Variants in ODAD2 observed in about 807,000 individuals in gnomAD.
The protein encoded by ODAD2 is outer dynein arm docking complex subunit 2.
In ODAD2, 89 loss-of-function variants were observed where a neutral mutation model predicts 106.8. The observed-to-expected ratio is 0.83, with a 90% CI of 0.70 to 0.99. The LOEUF (loss-of-function observed/expected upper bound fraction) is 0.99. Among genes scored for constraint, ODAD2 ranks in the 50% least tolerant of loss-of-function variants. ODAD2 has a pLI of 0.00. For synonymous variants in ODAD2, 404 were observed against 436.2 expected (o/e 0.93, Z 0.92); for missense variants, 1,168 against 1,238.5 (o/e 0.94, Z 0.85).
intron 17 of ODAD2, 64 bp from the exon 18 acceptor site, chr10:27,862,686 G>A: frequency 7.8e-7 from 1 of 1,286,602 alleles, no homozygotes; most frequent in Admixed American, 2.4e-5. Context: ...TTTTTTAAGA[G>A]GCAGAAAGTA....
chr10:27,841,503 C>A (rs1005393030), intron 19 of ODAD2, among the ~76,000 whole-genome samples: 2 of 152,014 alleles, frequency 1.3e-5, no homozygotes, highest in African/African-American at 4.8e-5. Context: ...TCAAGCAATT[C>A]TCCTGCTTCG....
chr10:27,817,330 T>C (rs765478393), intron 19 of ODAD2, among the ~76,000 whole-genome samples: 3 of 152,184 alleles, frequency 2.0e-5, no homozygotes, highest in Non-Finnish European at 4.4e-5. Flanking sequence ...CTTTACTGTA[T>C]AGACAGTTAA....
chr10:27,944,440 G>GA lies in ODAD2; in HGVS notation c.1534-10dup, dbSNP rs549508936. ...ATTTTTAATGAACCAATCTGTGTGAGAAAAAAAAAGATGAGTGGCGAATAT... is the reference window on the plus strand; with the variant it reads ...ATTTTTAATGAACCAATCTGTGTGAGAAAAAAAAAAGATGAGTGGCGAATAT... On this transcript the variant is annotated splice_polypyrimidine_tract_variant and intron_variant, in intron 11 of 19. Coordinates refer to ENST00000305242, the MANE Select transcript of ODAD2 (RefSeq NM_018076.5). 1,793 of 1,569,852 alleles carry GA rather than the reference G, an allele frequency of 1.1e-3. No individual in the cohort carries two copies. Among genetic ancestry groups the GA allele is most frequent in the Non-Finnish European group, 1.4e-3 (1,599 of 1,150,272 alleles).
chr10:27,935,103 G>A lies in ODAD2; in HGVS notation c.2402C>T (p.Pro801Leu), dbSNP rs1383330547. ...VIVRKCGGIQPLVNLLVGINQ... is the reference protein window; with the variant it reads ...VIVRKCGGIQLLVNLLVGINQ... Reference sequence around the variant, plus strand: ...TATTCCAACAAGGAGGTTCACAAGTGGTTGAATGCCACCACATTTCCGGAC... The same window carrying A: ...TATTCCAACAAGGAGGTTCACAAGTAGTTGAATGCCACCACATTTCCGGAC... Residue 801 changes from proline to leucine, a missense_variant, in exon 16 of 20, where the codon CCA becomes CTA. This residue lies in a region of ODAD2 where 701 missense variants were observed against 712.3 expected (regional missense o/e 0.98). Coordinates refer to ENST00000305242, the MANE Select transcript of ODAD2 (RefSeq NM_018076.5). 1 of 1,613,848 alleles carries A rather than the reference G, an allele frequency of 6.2e-7. No homozygotes were observed. Among genetic ancestry groups the A allele is most frequent in the Non-Finnish European group, 8.5e-7 (1 of 1,179,912 alleles).
chr10:27,871,307 C>A (rs1840864560), intron 17 of ODAD2, among the ~76,000 whole-genome samples: 1 of 152,086 alleles, frequency 6.6e-6, no homozygotes, highest in Non-Finnish European at 1.5e-5. Flanking sequence ...CTGTAGGTTG[C>A]CTGTTCACTC....
chr10:27,994,628 C>T (rs560600813), intron 2 of ODAD2, among the ~76,000 whole-genome samples: 9 of 152,208 alleles, frequency 5.9e-5, no homozygotes, highest in African/African-American at 2.2e-4. Flanking sequence ...CATAAAGCAG[C>T]AATGGATGTT....
chr10:27,978,874 A>C (rs533036656), intron 7 of ODAD2, among the ~76,000 whole-genome samples: 3 of 152,132 alleles, frequency 2.0e-5, no homozygotes, highest in African/African-American at 7.2e-5. Flanking sequence ...CCCACAGCTA[A>C]CATCAGGCTC....
intron 17 of ODAD2, among the ~76,000 whole-genome samples, chr10:27,885,672 AAT>A (rs1161745851): frequency 0.043 from 1,279 of 30,028 alleles, 55 homozygotes; most frequent in East Asian, 0.17. Context: ...TTATATATAA[AAT>A]ATATATAATA....
intron 17 of ODAD2, among the ~76,000 whole-genome samples, chr10:27,865,855 G>A (rs1589858359): frequency 6.6e-6 from 1 of 152,232 alleles, no homozygotes; most frequent in East Asian, 1.9e-4. Context: ...CTTTCTCTCT[G>A]TAACACGTTG....
chr10:27,928,862 T>TA (rs1432858149), intron 16 of ODAD2, among the ~76,000 whole-genome samples: 1 of 152,136 alleles, frequency 6.6e-6, no homozygotes, highest in Non-Finnish European at 1.5e-5. Flanking sequence ...TAAATTCACT[T>TA]AATCATCTCA....
chr10:27,929,298 T>C (rs1845456318), intron 16 of ODAD2, among the ~76,000 whole-genome samples: 1 of 152,148 alleles, frequency 6.6e-6, no homozygotes, highest in Non-Finnish European at 1.5e-5. Context: ...AGACGATTGA[T>C]AGATAAAATA....
chr10:27,900,416 G>C (rs1843120093), intron 17 of ODAD2, among the ~76,000 whole-genome samples: 1 of 152,152 alleles, frequency 6.6e-6, no homozygotes, highest in Admixed American at 6.5e-5. Context: ...TTCTCCAAAG[G>C]ATCATAACTC....
intron 9 of ODAD2, among the ~76,000 whole-genome samples, chr10:27,963,594 C>T (rs1257358625): frequency 6.6e-6 from 1 of 151,756 alleles, no homozygotes; most frequent in Non-Finnish European, 1.5e-5. Flanking sequence ...AACTATTTTT[C>T]CCCCCACTGG....
At chr10:27,827,854 G>A (rs1199633148) in intron 19 of ODAD2, among the ~76,000 whole-genome samples, 2 of 152,148 alleles carry the variant, frequency 1.3e-5, no homozygotes, top group African/African-American at 4.8e-5. Flanking sequence ...TCTTCGGCAG[G>A]CTCCAGTGAT....
intron 19 of ODAD2, among the ~76,000 whole-genome samples, chr10:27,838,613 T>C (rs573769649): frequency 6.6e-6 from 1 of 152,276 alleles, no homozygotes; most frequent in African/African-American, 2.4e-5. Flanking sequence ...GCTAGATAAA[T>C]ACAGAAACGA....
At chr10:27,891,710 GCAGAATTAAGGAAATTAAGCACTAT>G in intron 17 of ODAD2, among the ~76,000 whole-genome samples, 1 of 151,978 alleles carries the variant, frequency 6.6e-6, no homozygotes, top group East Asian at 1.9e-4. Context: ...ATGAAAGGAA[GCAGAATTAAGGAAATTAAGCACTAT>G]CTTGCGATAT....
chr10:27,826,683 T>A (rs780584844), intron 19 of ODAD2, among the ~76,000 whole-genome samples: 3 of 152,114 alleles, frequency 2.0e-5, no homozygotes, highest in Non-Finnish European at 4.4e-5. Context: ...ATGCTCTGCA[T>A]CCTCCTGCCT....
chr10:27,854,817 C>T (rs889300141), intron 19 of ODAD2, among the ~76,000 whole-genome samples: 4 of 151,932 alleles, frequency 2.6e-5, no homozygotes, highest in Admixed American at 1.3e-4. Flanking sequence ...TTTCATACAA[C>T]GGACTACCAC....
intron 17 of ODAD2, among the ~76,000 whole-genome samples, chr10:27,873,927 C>G (rs1387700856): frequency 1.3e-5 from 2 of 152,058 alleles, no homozygotes; most frequent in Non-Finnish European, 2.9e-5. Context: ...CTTTCTGTCT[C>G]GTTGATCCGT....
Sources: gnomAD v4.1 joint callset for allele counts (sites outside exome capture counted in the v4.1 genomes callset) on GRCh38, gnomAD v4.1.1 for gene constraint, gnomAD v4.1.1 regional missense constraint, MANE v1.5 for transcripts, NCBI Gene and HGNC (gene_info 2026-07-23, HGNC 2026-07-21) for gene names.